Variants in UBE2E2 observed in about 807,000 individuals in gnomAD.
UBE2E2 encodes the protein ubiquitin conjugating enzyme E2 E2, also known as ubiquitin-conjugating enzyme E2 E2.
A neutral mutation model predicts 24.7 loss-of-function variants in UBE2E2; 6 were observed. The observed-to-expected ratio is 0.24, with a 90% CI of 0.13 to 0.48. The LOEUF is 0.48. Ranked by LOEUF, UBE2E2 falls within the 20% of genes least tolerant of loss-of-function variation. UBE2E2 has a pLI of 0.99. For synonymous variants in UBE2E2, 104 were observed against 83.6 expected, an observed-to-expected ratio of 1.24 and a Z score of -1.33; for missense variants, 169 against 245.0, an observed-to-expected ratio of 0.69 and a Z score of 2.07.
intron 3 of UBE2E2, among the ~76,000 whole-genome samples, chr3:23,471,353 T>C (rs1448825279): frequency 6.6e-6 from 1 of 152,140 alleles, no homozygotes; most frequent in African/African-American, 2.4e-5. Context: ...ACCTCAAAGC[T>C]AAGTATCCTT....
At chr3:23,460,006 C>T (rs1482770560) in intron 3 of UBE2E2, among the ~76,000 whole-genome samples, 1 of 152,154 alleles carries the variant, frequency 6.6e-6, no homozygotes. Flanking sequence ...GGGTCGAGTG[C>T]TTGTCTCTGT....
intron 3 of UBE2E2, among the ~76,000 whole-genome samples, chr3:23,327,843 G>A (rs1304412554): frequency 2.6e-5 from 4 of 152,138 alleles, no homozygotes; most frequent in Non-Finnish European, 5.9e-5. Flanking sequence ...AGTTTGTGAA[G>A]ATTAAGTTTT....
intron 3 of UBE2E2, among the ~76,000 whole-genome samples, chr3:23,333,571 A>G (rs1376451807): frequency 3.9e-5 from 6 of 152,276 alleles, no homozygotes; most frequent in South Asian, 2.1e-4. Flanking sequence ...TTTCACCTGC[A>G]AGAGAAAAAA....
In UBE2E2 at chr3:23,348,640, G is replaced by C. The variant is rs1695633023; in HGVS notation, c.227+131328G>C. Among the ~76,000 whole-genome samples, 3 of 152,160 alleles carry C rather than the reference G, an allele frequency of 2.0e-5. No homozygotes were observed. The East Asian group carries it at 5.8e-4, about 29-fold the overall frequency. On this transcript the variant is annotated intron_variant, in intron 3 of 5. Coordinates refer to ENST00000396703, the MANE Select transcript of UBE2E2 (RefSeq NM_152653.4). ...CAGTCCATCCCATTTAGGTATGGGG[G>C]ACTGAGGTACATAGATTCAGAGTGG...
chr3:23,394,693 C>G (rs1194189886), intron 3 of UBE2E2, among the ~76,000 whole-genome samples: 1 of 152,208 alleles, frequency 6.6e-6, no homozygotes, highest in Non-Finnish European at 1.5e-5. Flanking sequence ...AACTCTGGTA[C>G]TGTTCTGGAG....
At chr3:23,561,036 G>A (rs1460356794) in intron 5 of UBE2E2, among the ~76,000 whole-genome samples, 1 of 152,116 alleles carries the variant, frequency 6.6e-6, no homozygotes, top group Admixed American at 6.5e-5. Context: ...CACTCTGCTG[G>A]TAGTTTCTTT....
intron 3 of UBE2E2, among the ~76,000 whole-genome samples, chr3:23,247,989 A>G (rs773977176): frequency 6.6e-6 from 1 of 152,256 alleles, no homozygotes; most frequent in Non-Finnish European, 1.5e-5. Context: ...TCTGATTAGC[A>G]TAAAGCTTTA....
At chr3:23,342,188 T>G (rs945301024) in intron 3 of UBE2E2, among the ~76,000 whole-genome samples, 1 of 112,120 alleles carries the variant, frequency 8.9e-6, no homozygotes, top group Non-Finnish European at 2.0e-5. Context: ...TTTAGTTTAG[T>G]TTTTTTTTTT....
intron 3 of UBE2E2, among the ~76,000 whole-genome samples, chr3:23,230,075 A>G (rs1364970047): frequency 6.6e-6 from 1 of 152,198 alleles, no homozygotes; most frequent in African/African-American, 2.4e-5. Context: ...CTTGTAGTAT[A>G]TATTTATTTA....
At chr3:23,356,183 C>G (rs780359626) in intron 3 of UBE2E2, among the ~76,000 whole-genome samples, 4 of 152,086 alleles carry the variant, frequency 2.6e-5, no homozygotes, top group Non-Finnish European at 5.9e-5. Context: ...CAGGAGAAAG[C>G]GGCAAATCAG....
intron 3 of UBE2E2, among the ~76,000 whole-genome samples, chr3:23,412,868 G>T (rs1343873762): frequency 6.6e-6 from 1 of 152,052 alleles, no homozygotes; most frequent in African/African-American, 2.4e-5. Flanking sequence ...AGCCTTCCTG[G>T]TGAATCTGAT....
chr3:23,295,003 G>A (rs1470359363), intron 3 of UBE2E2, among the ~76,000 whole-genome samples: 2 of 151,948 alleles, frequency 1.3e-5, no homozygotes, highest in Non-Finnish European at 2.9e-5. Flanking sequence ...ACTTCCTCTT[G>A]TCTTTTTCAT....
chr3:23,299,791 C>G (rs1480058682), intron 3 of UBE2E2, among the ~76,000 whole-genome samples: 1 of 152,124 alleles, frequency 6.6e-6, no homozygotes, highest in Non-Finnish European at 1.5e-5. Flanking sequence ...CTGTAGATGT[C>G]TATTAGGTCC....
chr3:23,254,357 G>A (rs1292153134), intron 3 of UBE2E2, among the ~76,000 whole-genome samples: 1 of 152,198 alleles, frequency 6.6e-6, no homozygotes, highest in African/African-American at 2.4e-5. Context: ...GTTAATCCTG[G>A]GTTTAGGGAA....
intron 3 of UBE2E2, among the ~76,000 whole-genome samples, chr3:23,467,928 A>C (rs1284400802): frequency 1.3e-5 from 2 of 152,098 alleles, no homozygotes; most frequent in Non-Finnish European, 2.9e-5. Context: ...CAAACTTTCA[A>C]ACAACCATAT....
chr3:23,347,588 G>A (rs1003267504), intron 3 of UBE2E2, among the ~76,000 whole-genome samples: 2 of 152,122 alleles, frequency 1.3e-5, no homozygotes, highest in Non-Finnish European at 2.9e-5. Flanking sequence ...AGCATTAGGA[G>A]AAATACCTCA....
At chr3:23,354,286 A>G (rs974155262) in intron 3 of UBE2E2, among the ~76,000 whole-genome samples, 11 of 152,172 alleles carry the variant, frequency 7.2e-5, no homozygotes, top group South Asian at 2.1e-4. Flanking sequence ...TAAAAACCCT[A>G]GAAGAAAACC....
intron 4 of UBE2E2, among the ~76,000 whole-genome samples, chr3:23,505,264 T>A (rs1160591824): frequency 6.6e-6 from 1 of 152,116 alleles, no homozygotes; most frequent in Middle Eastern, 3.2e-3. Flanking sequence ...TAAGGACTCA[T>A]GTTAGGTAAC....
intron 3 of UBE2E2, among the ~76,000 whole-genome samples, chr3:23,309,228 C>A (rs958334782): frequency 6.6e-6 from 1 of 152,170 alleles, no homozygotes; most frequent in African/African-American, 2.4e-5. Flanking sequence ...GAGTTGTCAT[C>A]TTCTCTGGAA....
Sources: allele counts gnomAD v4.1 joint callset (sites outside exome capture counted in the v4.1 genomes callset), GRCh38; gene constraint gnomAD v4.1.1; transcripts MANE v1.5; gene names NCBI Gene and HGNC (gene_info 2026-07-23, HGNC 2026-07-21).